LRBA: variants seen among roughly 807,000 people sequenced by gnomAD.
LRBA encodes lipopolysaccharide-responsive and beige-like anchor protein.
LRBA carries 176 observed loss-of-function variants against 330.0 expected under a neutral mutation model. The ratio of observed to expected loss-of-function variants is 0.53; its 90% confidence interval spans 0.47 to 0.60. The LOEUF is 0.60. LRBA is among the 20% of genes least tolerant of loss of function. The pLI is 0.00. For synonymous variants in LRBA, 1,230 were observed against 1,193.0 expected (o/e 1.03, Z -0.64); for missense variants, 3,259 against 3,444.8 (o/e 0.95, Z 1.35).
intron 47 of LRBA, among the ~76,000 whole-genome samples, chr4:150,398,488 C>T (rs1362799658): frequency 2.6e-5 from 4 of 151,950 alleles, no homozygotes; most frequent in East Asian, 1.9e-4. Flanking sequence ...TGGTATAAAA[C>T]GATTCATAGG....
intron 37 of LRBA, among the ~76,000 whole-genome samples, chr4:150,604,399 A>C (rs1180529018): frequency 2.1e-5 from 1 of 47,582 alleles, no homozygotes; most frequent in Non-Finnish European, 6.4e-5. Context: ...GGGAGAGACT[A>C]TCTCCAAAAA....
Position 150,860,669 on chromosome 4 carries a change from T to C in LRBA, c.2766+7002A>G, listed in dbSNP as rs183147013. ...GGTGAAACCTCTTCTCTACTAAAAA[T>C]ACAAAAAATTAGCCAGGCATGGTGG... On this transcript the variant is annotated intron_variant, in intron 22 of 56. Transcript: ENST00000651943. Among the ~76,000 whole-genome samples the C allele has an allele frequency of 2.8e-4, 43 of 151,776 alleles. No homozygotes were observed. The East Asian group carries it at 8.3e-3, about 29-fold the overall frequency.
Position 150,837,226 on chromosome 4 carries a change from A to G in LRBA, c.4570-5250T>C, listed in dbSNP as rs569040419. 2.6e-3 allele frequency among the ~76,000 whole-genome samples: 399 copies of G among 152,276 alleles called. 1 individual carries two copies. Among genetic ancestry groups the G allele is most frequent in the Non-Finnish European group, 4.7e-3 (322 of 68,016 alleles). Reference sequence around the variant, plus strand: ...TGCTTTACTTCCAACTATGTGGTCAATTTTGGAATAAGTGCGACGTGGTGC... The same window carrying G: ...TGCTTTACTTCCAACTATGTGGTCAGTTTTGGAATAAGTGCGACGTGGTGC... On this transcript the variant is annotated intron_variant, in intron 28 of 56. Coordinates refer to ENST00000651943, the MANE Select transcript of LRBA (RefSeq NM_001364905.1).
At chr4:151,012,190 G>A (rs1021324497) in intron 2 of LRBA, among the ~76,000 whole-genome samples, 4 of 152,124 alleles carry the variant, frequency 2.6e-5, no homozygotes, top group South Asian at 2.1e-4. Flanking sequence ...CTGCAAATAC[G>A]CAGCTTTGAA....
intron 34 of LRBA, among the ~76,000 whole-genome samples, chr4:150,776,114 C>A (rs1198856691): frequency 6.6e-6 from 1 of 152,034 alleles, no homozygotes; most frequent in East Asian, 1.9e-4. Context: ...ACTCAATGGT[C>A]GTCTTTCACA....
At chr4:150,503,902 C>T (rs921912599) in intron 40 of LRBA, among the ~76,000 whole-genome samples, 3 of 152,048 alleles carry the variant, frequency 2.0e-5, no homozygotes, top group Non-Finnish European at 2.9e-5. Context: ...CTTAAAGGAC[C>T]TGATGGAGCT....
chr4:151,014,464 A>C lies in LRBA; in HGVS notation c.179T>G (p.Val60Gly). 1.2e-6 allele frequency: 2 copies of C among 1,614,164 alleles called. No homozygotes were observed. The highest frequency in any genetic ancestry group is 1.7e-6 in the Non-Finnish European group (2 of 1,179,992). Reference protein sequence around the residue: ...VLTGLVEVGEVSNRDIVETVF... With the variant: ...VLTGLVEVGEGSNRDIVETVF... ...AGTTTCTACAATATCCCTATTGGAT[A>C]CTTCTCCAACTTCAACCAAACCGGT... is the stretch of plus-strand genomic sequence containing the variant. The change falls in exon 2 of 57, where the codon GTA (valine) becomes GGA (glycine). Residue 60 changes from valine (V) to glycine (G), a missense_variant. Transcript: ENST00000651943.
chr4:150,303,325 C>T (rs1729916890), intron 52 of LRBA, among the ~76,000 whole-genome samples: 1 of 152,096 alleles, frequency 6.6e-6, no homozygotes, highest in South Asian at 2.1e-4. Context: ...TCTACCTTTT[C>T]AAATCAGGAT....
chr4:150,597,404 A>T (rs1015535424), intron 38 of LRBA, among the ~76,000 whole-genome samples: 1 of 151,852 alleles, frequency 6.6e-6, no homozygotes, highest in African/African-American at 2.4e-5. Context: ...TTCTATATTA[A>T]ATCTATACCA....
chr4:151,014,668 C>CA lies in LRBA; in HGVS notation c.-27dup. The CA allele has an allele frequency of 2.0e-6, 3 of 1,526,258 alleles. No homozygotes were observed. The highest frequency in any genetic ancestry group is 2.3e-5 in the East Asian group (1 of 43,572). The allele number at this position is 1,526,258 out of a possible 1,614,324, so 94.5% of individuals were successfully genotyped here. Reference sequence around the variant, plus strand: ...TGCTAGCTCACGATAAAGGACAACTCAGAGTCACCCTGGGACGGCAGTCGC... The same window carrying CA: ...TGCTAGCTCACGATAAAGGACAACTCAAGAGTCACCCTGGGACGGCAGTCGC... On this transcript the variant is annotated 5_prime_UTR_variant, in exon 2 of 57. Transcript: ENST00000651943.
intron 28 of LRBA, among the ~76,000 whole-genome samples, chr4:150,836,744 A>C (rs1748158309): frequency 6.6e-6 from 1 of 152,128 alleles, no homozygotes; most frequent in African/African-American, 2.4e-5. Context: ...CCAAAAAACC[A>C]GCTCCTGGAT....
intron 40 of LRBA, among the ~76,000 whole-genome samples, chr4:150,559,674 A>G (rs1245461057): frequency 1.2e-5 from 1 of 84,926 alleles, no homozygotes; most frequent in Non-Finnish European, 2.1e-5. Flanking sequence ...TATATATATT[A>G]TATAATATAT....
intron 38 of LRBA, among the ~76,000 whole-genome samples, chr4:150,598,161 A>C (rs1253139003): frequency 1.3e-5 from 2 of 152,178 alleles, no homozygotes; most frequent in Non-Finnish European, 2.9e-5. Flanking sequence ...CAATACCCTG[A>C]AAAAGGAAAA....
Position 150,583,096 on chromosome 4 carries a change from C to T in LRBA, c.6330+4952G>A. 1 of 1,614,126 alleles carries T rather than the reference C, an allele frequency of 6.2e-7. No homozygotes were observed. Among genetic ancestry groups the T allele is most frequent in the Non-Finnish European group, 8.5e-7 (1 of 1,180,010 alleles). On this transcript the variant is annotated intron_variant, in intron 40 of 56. Coordinates refer to ENST00000651943, the MANE Select transcript of LRBA (RefSeq NM_001364905.1). The surrounding 1 kb of genome is among the most constrained non-coding windows in gnomAD (Gnocchi z 9.8). Reference sequence around the variant, plus strand: ...GTACTACACTGAGCGCTGTCAGGCGCGCAAGGCGGCCATCGCCAAAACCAT... The same window carrying T: ...GTACTACACTGAGCGCTGTCAGGCGTGCAAGGCGGCCATCGCCAAAACCAT...
intron 17 of LRBA, among the ~76,000 whole-genome samples, chr4:150,892,029 C>T (rs1729525072): frequency 6.6e-6 from 1 of 152,102 alleles, no homozygotes. Context: ...GAGGTCAAGG[C>T]TGCAGTGACC....
At chr4:150,656,393 G>T (rs1282169281) in intron 37 of LRBA, among the ~76,000 whole-genome samples, 1 of 152,124 alleles carries the variant, frequency 6.6e-6, no homozygotes, top group Non-Finnish European at 1.5e-5. Flanking sequence ...GGCTTATTTT[G>T]TTTGTGTTGT....
intron 41 of LRBA, among the ~76,000 whole-genome samples, chr4:150,489,008 A>G (rs1238899071): frequency 8.2e-6 from 1 of 122,188 alleles, no homozygotes; most frequent in Non-Finnish European, 1.6e-5. Context: ...AAGAATATAT[A>G]ATATATTATA....
In LRBA at chr4:150,893,162, T is replaced by A. The variant is rs762747844; in HGVS notation, c.2068-13A>T. On this transcript the variant is annotated splice_polypyrimidine_tract_variant and intron_variant, in intron 16 of 56. Coordinates refer to ENST00000651943, the MANE Select transcript of LRBA (RefSeq NM_001364905.1). ...TTAGATTGTCATCCTATAATCATTT[T>A]AGAAATTTTTTTTAAAAAATGAGGA... 2.3e-5 allele frequency: 35 copies of A among 1,536,366 alleles called. No individual in the cohort carries two copies. The African/African-American group carries it at 3.9e-4, about 17-fold the overall frequency.
chr4:150,966,955 C>T (rs1413936452), intron 2 of LRBA, among the ~76,000 whole-genome samples: 1 of 152,192 alleles, frequency 6.6e-6, no homozygotes, highest in Non-Finnish European at 1.5e-5. Flanking sequence ...ACCTCATGGC[C>T]TTGAAATCTA....
Sources: allele counts gnomAD v4.1 joint callset (sites outside exome capture counted in the v4.1 genomes callset), GRCh38; gene constraint gnomAD v4.1.1; non-coding constraint Gnocchi (gnomAD v3.1); transcripts MANE v1.5; gene names NCBI Gene and HGNC (gene_info 2026-07-23, HGNC 2026-07-21).